The following DHCR7 variants were observed in gnomAD, a reference collection of about 807,000 sequenced individuals.
DHCR7 encodes 7-DHC reductase.
A neutral mutation model predicts 43.3 loss-of-function variants in DHCR7; 40 were observed. That is an observed-to-expected ratio of 0.92 (90% CI 0.72 to 1.20). DHCR7 has a LOEUF of 1.20. Among genes scored for constraint, DHCR7 ranks in the 50% most tolerant of loss-of-function variants. The pLI, the probability that DHCR7 is intolerant of heterozygous loss-of-function variation, is 0.00. For missense variants in DHCR7, 608 were observed against 644.6 expected (o/e 0.94, Z 0.62); for synonymous variants, 298 against 271.4 (o/e 1.10, Z -0.96).
chr11:71,437,905 C>A lies in DHCR7; in HGVS notation c.870G>T (p.Trp290Cys). 6.2e-7 allele frequency: 1 copy of A among 1,613,886 alleles called. No individual in the cohort carries two copies. The highest frequency in any genetic ancestry group is 8.5e-7 in the Non-Finnish European group (1 of 1,180,022). Residue 290 changes from tryptophan to cysteine, a missense_variant, in exon 8 of 9, where the codon TGG becomes TGT. By Grantham distance (215) the Trp-to-Cys change is radical. Transcript: ENST00000355527. ...YVIDFFWNET[W>C]YLKTIDICHD... ...GGCAGATGTCAATGGTCTTCAGGTACCAGGTTTCGTTCCAGAAGAAGTCAA... is the reference window on the plus strand; with the variant it reads ...GGCAGATGTCAATGGTCTTCAGGTAACAGGTTTCGTTCCAGAAGAAGTCAA...
At chr11:71,431,304 T>C (rs1790349), downstream of DHCR7, among the ~76,000 whole-genome samples, 29,799 of 152,152 alleles carry the variant, frequency 0.2, 3,191 homozygotes, top group South Asian at 0.34. Context: ...GCAAGACAAG[T>C]TGTCAGTCCA....
At chr11:71,430,991 C>T (rs576768659), downstream of DHCR7, among the ~76,000 whole-genome samples, 4 of 152,290 alleles carry the variant, frequency 2.6e-5, no homozygotes, top group South Asian at 8.3e-4. Flanking sequence ...CCAGTCTCTA[C>T]TAAAAATACA....
intron 7 of DHCR7, 59 bp from the exon 8 acceptor site, chr11:71,438,002 C>G (rs142698584): frequency 1.9e-6 from 3 of 1,601,960 alleles, no homozygotes; most frequent in South Asian, 1.1e-5. Context: ...CCATGGACCT[C>G]GGGGAAATCA....
downstream of DHCR7, among the ~76,000 whole-genome samples, chr11:71,433,685 G>A (rs926766279): frequency 2.6e-5 from 4 of 152,284 alleles, no homozygotes; most frequent in East Asian, 1.9e-4. Context: ...AGGGAGGCCC[G>A]GATCTGAGCT....
At chr11:71,439,366 G>A (rs1332759795) in intron 6 of DHCR7, among the ~76,000 whole-genome samples, 1 of 152,220 alleles carries the variant, frequency 6.6e-6, no homozygotes, top group East Asian at 1.9e-4. Flanking sequence ...GGAAGGGTGG[G>A]AGACCGGCCC....
rs2135939380 is a variant in DHCR7 at position 71,435,387 on chromosome 11, A to C, written c.1416T>G (p.Pro472=). The C allele has an allele frequency of 6.2e-7, 1 of 1,612,222 alleles. No homozygotes were observed. Among genetic ancestry groups the C allele is most frequent in the Non-Finnish European group, 8.5e-7 (1 of 1,179,978 alleles). Reference sequence around the variant, plus strand: ...CTAGGGCGTGCCCTTAGAAGATTCCAGGCAGCAGGCGGTAAGGCACTGCGG... The same window carrying C: ...CTAGGGCGTGCCCTTAGAAGATTCCCGGCAGCAGGCGGTAAGGCACTGCGG... The part of the protein sequence containing the change: ...YTAAVPYRLL[P]GIF The change falls in exon 9 of 9, where the codon CCT becomes CCG. Residue 472 remains proline, a synonymous_variant. Coordinates refer to ENST00000355527, the MANE Select transcript of DHCR7 (RefSeq NM_001360.3).
intron 2 of DHCR7, among the ~76,000 whole-genome samples, chr11:71,429,149 G>A (rs79748595): frequency 0.018 from 2,740 of 152,328 alleles, 66 homozygotes; most frequent in East Asian, 0.064. Flanking sequence ...ATTTGCATCA[G>A]TAGTTCTAAC....
intron 4 of DHCR7, 79 bp downstream of exon 4, chr11:71,443,914 G>T: frequency 8.3e-7 from 1 of 1,198,230 alleles, no homozygotes. Context: ...CCATGTCCCA[G>T]ACAAATGGAA....
chr11:71,438,160 C>A (rs966160705), intron 7 of DHCR7, among the ~76,000 whole-genome samples: 6 of 152,256 alleles, frequency 3.9e-5, no homozygotes, highest in South Asian at 4.1e-4. Flanking sequence ...CCACCCCGAG[C>A]CCATGGCCCT....
intron 2 of DHCR7, 132 bp from the exon 3 acceptor site, chr11:71,445,090 G>T: frequency 1.3e-6 from 1 of 742,588 alleles, no homozygotes; most frequent in Non-Finnish European, 2.4e-6. Context: ...CCTTGTTCCT[G>T]ACAGCAGATT....
chr11:71,437,132 C>T (rs1402924924), intron 8 of DHCR7, among the ~76,000 whole-genome samples: 3 of 152,202 alleles, frequency 2.0e-5, no homozygotes, highest in Non-Finnish European at 4.4e-5. Context: ...GACACCCGCA[C>T]CTCCATCCCA....
chr11:71,435,583 T>G lies in DHCR7; in HGVS notation c.1220A>C (p.Asn407Thr). The G allele has an allele frequency of 6.2e-7, 1 of 1,611,478 alleles. No homozygotes were observed. Residue 407 changes from asparagine (N) to threonine (T), a missense_variant, in exon 9 of 9, where the codon AAC becomes ACC. Physicochemically the swap from Asn to Thr is moderately conservative, Grantham distance 65. Coordinates refer to ENST00000355527, the MANE Select transcript of DHCR7 (RefSeq NM_001360.3). ...GCTGCCCATCAGGTCGCCGACGTAG[T>G]TGAAGTGGCGGGCCACGCCCCAGAA... is the stretch of plus-strand genomic sequence containing the variant. ...SGFWGVARHF[N>T]YVGDLMGSLA...
At chr11:71,442,666 T>C (rs1287992634) in intron 4 of DHCR7, among the ~76,000 whole-genome samples, 2 of 152,078 alleles carry the variant, frequency 1.3e-5, no homozygotes, top group African/African-American at 4.8e-5. Context: ...TATATATAAA[T>C]CTATCTTTGA....
chr11:71,437,973 C>T (rs1447505421), intron 7 of DHCR7, 30 bp from the exon 8 acceptor site: 3 of 1,609,272 alleles, frequency 1.9e-6, no homozygotes, highest in African/African-American at 1.3e-5. Context: ...GCTGACCACC[C>T]CCGGCCCTCC....
chr11:71,435,680 GCTTC>G lies in DHCR7; in HGVS notation c.1119_1122del (p.Arg373SerfsTer39). ...GTGTAGGAGCACTCGATGACCTTGG[GCTTC>G]CTGCCCCAGATGAGGCAGCGCCCAT... is the stretch of plus-strand genomic sequence containing the variant. On this transcript the variant is annotated frameshift_variant, in exon 9 of 9. Transcript: ENST00000355527. LOFTEE classifies it high-confidence loss of function. 6.2e-7 allele frequency: 1 copy of G among 1,613,134 alleles called. No homozygotes were observed. Among genetic ancestry groups the G allele is most frequent in the Non-Finnish European group, 8.5e-7 (1 of 1,179,912 alleles).
intron 3 of DHCR7, among the ~76,000 whole-genome samples, chr11:71,444,609 C>T (rs925385769): frequency 2.6e-5 from 4 of 152,188 alleles, no homozygotes; most frequent in Non-Finnish European, 4.4e-5. Flanking sequence ...GGTGGGAAGG[C>T]CCCAGCTGCC....
rs886048615 is a variant in DHCR7, at chr11:71,434,937, C to G, written c.*438G>C. Reference sequence around the variant, plus strand: ...GGGAGGGGGATCTAGAGCTGAAAGGCAATACATGGATAACGCGCACGCCCC... The same window carrying G: ...GGGAGGGGGATCTAGAGCTGAAAGGGAATACATGGATAACGCGCACGCCCC... On this transcript the variant is annotated 3_prime_UTR_variant, in exon 9 of 9. Coordinates refer to ENST00000355527, the MANE Select transcript of DHCR7 (RefSeq NM_001360.3). 6.2e-5 allele frequency: 23 copies of G among 370,042 alleles called. No individual in the cohort carries two copies. The highest frequency in any genetic ancestry group is 1.1e-4 in the Non-Finnish European group (21 of 187,650). The allele number at this position is 370,042 out of a possible 1,614,324, so 22.9% of individuals were successfully genotyped here.
At chr11:71,429,872 A>T (rs1335005659), downstream of DHCR7, among the ~76,000 whole-genome samples, 1 of 151,894 alleles carries the variant, frequency 6.6e-6, no homozygotes, top group African/African-American at 2.4e-5. Context: ...GCAAACCCCC[A>T]CCCCTGACCA....
intron 6 of DHCR7, among the ~76,000 whole-genome samples, chr11:71,440,467 T>A: frequency 1.0e-5 from 1 of 100,396 alleles, no homozygotes; most frequent in African/African-American, 4.1e-5. Flanking sequence ...ATGAGATGGA[T>A]GATGGATGGG....
Sources: allele counts gnomAD v4.1 joint callset (sites outside exome capture counted in the v4.1 genomes callset), GRCh38; gene constraint gnomAD v4.1.1; transcripts MANE v1.5; gene names NCBI Gene and HGNC (gene_info 2026-07-23, HGNC 2026-07-21).